SGCZ: variants seen among roughly 807,000 people sequenced by gnomAD.
SGCZ encodes zeta-sarcoglycan.
SGCZ carries 40 observed loss-of-function variants against 41.3 expected under a neutral mutation model. That is an observed-to-expected ratio of 0.97 (90% CI 0.75 to 1.26). The LOEUF (loss-of-function observed/expected upper bound fraction) is 1.26, where lower values mean the gene tolerates loss of function less well. SGCZ is among the 50% of genes most tolerant of loss of function. SGCZ has a pLI of 0.00. For missense variants in SGCZ, 552 were observed against 369.8 expected (o/e 1.49, Z -4.04); for synonymous variants, 206 against 137.5 (o/e 1.50, Z -3.49).
At chr8:14,552,137 G>C (rs1803889885) in intron 2 of SGCZ, among the ~76,000 whole-genome samples, 1 of 151,918 alleles carries the variant, frequency 6.6e-6, no homozygotes, top group South Asian at 2.1e-4. Context: ...GGTATTCTCT[G>C]TAGATATGAA....
intron 2 of SGCZ, among the ~76,000 whole-genome samples, chr8:14,403,759 G>C (rs80105406): frequency 0.04 from 6,110 of 152,088 alleles, 387 homozygotes; most frequent in African/African-American, 0.14. Flanking sequence ...GTGCCTTACT[G>C]AAGTTTAAGA....
chr8:14,606,258 G>A (rs1033794433), intron 1 of SGCZ, among the ~76,000 whole-genome samples: 1 of 151,982 alleles, frequency 6.6e-6, no homozygotes, highest in African/African-American at 2.4e-5. Flanking sequence ...TAACATACAT[G>A]TATATATGAT....
chr8:14,695,733 T>G (rs1585189207), intron 1 of SGCZ, among the ~76,000 whole-genome samples: 1 of 151,766 alleles, frequency 6.6e-6, no homozygotes, highest in African/African-American at 2.4e-5. Flanking sequence ...TATACAGTTT[T>G]CAAAGATGCA....
chr8:14,633,787 C>G (rs1340801438), intron 1 of SGCZ, among the ~76,000 whole-genome samples: 3 of 151,828 alleles, frequency 2.0e-5, no homozygotes, highest in African/African-American at 4.8e-5. Flanking sequence ...AATAAAAGAC[C>G]TGATGCTAAA....
At chr8:14,190,010 CTTTCT>C (rs1805040269) in intron 4 of SGCZ, among the ~76,000 whole-genome samples, 1 of 68,500 alleles carries the variant, frequency 1.5e-5, no homozygotes, top group Non-Finnish European at 2.6e-5. Context: ...TTCTTTCTTT[CTTTCT>C]TTTTTTTTTT....
At chr8:14,762,688 T>C (rs114766220) in intron 1 of SGCZ, among the ~76,000 whole-genome samples, 1,558 of 152,328 alleles carry the variant, frequency 0.01, 15 homozygotes, top group African/African-American at 0.021. Context: ...TGTTGAACTT[T>C]ATCTTTTTTC....
intron 1 of SGCZ, among the ~76,000 whole-genome samples, chr8:15,027,253 A>C (rs1803492304): frequency 6.6e-6 from 1 of 152,170 alleles, no homozygotes; most frequent in Non-Finnish European, 1.5e-5. Context: ...AGAATAAACA[A>C]ACATATTCAC....
intron 1 of SGCZ, among the ~76,000 whole-genome samples, chr8:14,827,236 CTTT>C (rs36071307): frequency 2.5e-5 from 3 of 122,312 alleles, no homozygotes; most frequent in Admixed American, 8.4e-5. Context: ...CTTTTCTTTT[CTTT>C]TTTTTTTTTT....
intron 2 of SGCZ, among the ~76,000 whole-genome samples, chr8:14,406,518 AT>A (rs1222330834): frequency 1.4e-4 from 21 of 152,026 alleles, no homozygotes; most frequent in Admixed American, 1.4e-3. Context: ...GAAAACAAAC[AT>A]TGTTGAATGA....
At chr8:14,237,505 C>G (rs1806806584) in intron 4 of SGCZ, 87 bp downstream of exon 4, 1 of 1,079,986 alleles carries the variant, frequency 9.3e-7, no homozygotes, top group Non-Finnish European at 1.4e-6. Context: ...ACAACAACAA[C>G]AACGACAACA....
chr8:15,064,889 T>A (rs529675993), intron 1 of SGCZ, among the ~76,000 whole-genome samples: 1 of 152,188 alleles, frequency 6.6e-6, no homozygotes, highest in Non-Finnish European at 1.5e-5. Context: ...GCGTTTCGGT[T>A]GGCTCTTTGG....
At chr8:14,266,024 G>T (rs1331391978) in intron 3 of SGCZ, among the ~76,000 whole-genome samples, 2 of 151,994 alleles carry the variant, frequency 1.3e-5, no homozygotes, top group African/African-American at 2.4e-5. Context: ...TGTTCAAGAG[G>T]CTCTTAAGCA....
At chr8:14,184,289 C>G (rs1262618072) in intron 4 of SGCZ, among the ~76,000 whole-genome samples, 1 of 152,054 alleles carries the variant, frequency 6.6e-6, no homozygotes, top group East Asian at 1.9e-4. Flanking sequence ...TATTCCCACC[C>G]CCAATAGCAT....
rs557804467 is a variant in SGCZ at position 14,249,880 on chromosome 8, T to C, written c.337-12201A>G. ...TGGCAAGATTTTGAGCCAGAAGCAATGTAAGTATGTCTAGCTAAATCAAAA... is the reference window on the plus strand; with the variant it reads ...TGGCAAGATTTTGAGCCAGAAGCAACGTAAGTATGTCTAGCTAAATCAAAA... On this transcript the variant is annotated intron_variant, in intron 3 of 7. Transcript: ENST00000382080. Among the ~76,000 whole-genome samples the C allele has an allele frequency of 3.9e-5, 6 of 152,300 alleles. No individual in the cohort carries two copies. In the Middle Eastern group the frequency reaches 0.01, roughly 259 times the overall value.
At chr8:15,077,413 G>C (rs1018493526) in intron 1 of SGCZ, among the ~76,000 whole-genome samples, 3 of 152,164 alleles carry the variant, frequency 2.0e-5, no homozygotes, top group Non-Finnish European at 4.4e-5. Context: ...AGAAAAGTAA[G>C]AACTTGTTGC....
intron 1 of SGCZ, among the ~76,000 whole-genome samples, chr8:14,969,740 G>C (rs1801232344): frequency 6.6e-6 from 1 of 151,950 alleles, no homozygotes; most frequent in Admixed American, 6.6e-5. Flanking sequence ...CTATCACTGA[G>C]TAATATCCCA....
At chr8:15,217,416 CAAAAA>C (rs35784389) in intron 1 of SGCZ, among the ~76,000 whole-genome samples, 1 of 118,814 alleles carries the variant, frequency 8.4e-6, no homozygotes, top group Non-Finnish European at 1.7e-5. Flanking sequence ...GACTCCGTCT[CAAAAA>C]AAAAAAAAAA....
At chr8:14,991,370 A>C (rs1337666296) in intron 1 of SGCZ, among the ~76,000 whole-genome samples, 1 of 152,148 alleles carries the variant, frequency 6.6e-6, no homozygotes, top group East Asian at 1.9e-4. Flanking sequence ...CTTCTGACCT[A>C]TTCAGGCAGA....
intron 1 of SGCZ, among the ~76,000 whole-genome samples, chr8:14,719,746 A>C (rs1479622075): frequency 2.0e-5 from 3 of 151,654 alleles, no homozygotes; most frequent in South Asian, 2.1e-4. Context: ...TGTAGATTCT[A>C]GATATTAGCC....
Sources: allele counts gnomAD v4.1 joint callset (sites outside exome capture counted in the v4.1 genomes callset), GRCh38; gene constraint gnomAD v4.1.1; transcripts MANE v1.5; gene names NCBI Gene and HGNC (gene_info 2026-07-23, HGNC 2026-07-21).